DDX3X: variants seen among roughly 807,000 people sequenced by gnomAD.
DDX3X encodes the protein ATP-dependent RNA helicase DDX3X.
A neutral mutation model predicts 52.7 loss-of-function variants in DDX3X; 4 were observed. That is an observed-to-expected ratio of 0.08 (90% CI 0.04 to 0.17). The LOEUF is 0.17. DDX3X is among the 10% of genes least tolerant of loss of function. The pLI is 1.00. For missense variants in DDX3X, 222 were observed against 548.6 expected, an observed-to-expected ratio of 0.40 and a Z score of 5.95; for synonymous variants, 192 against 178.1, an observed-to-expected ratio of 1.08 and a Z score of -0.62.
rs372583916 is a variant in DDX3X, at chrX:41,347,970, C to G, written c.*251C>G. On this transcript the variant is annotated 3_prime_UTR_variant, in exon 17 of 17. Coordinates refer to ENST00000644876, the MANE Select transcript of DDX3X (RefSeq NM_001356.5). ...GGATTAACTCCCCTCCCGCCTACCC[C>G]CATCCCAAACTGCATTTATAATTTT... 45 of 341,695 alleles carry G rather than the reference C, an allele frequency of 1.3e-4. No individual in the cohort carries two copies. The highest frequency in any genetic ancestry group is 1.1e-3 in the East Asian group (23 of 21,780). 28.2% of individuals were successfully genotyped at this position (341,695 alleles called of 1,213,427 possible). A position where few individuals can be genotyped will look rare whatever the true frequency, so the allele number is the denominator to read the frequency against.
chrX:41,347,072 T>G, intron 15 of DDX3X, 60 bp downstream of exon 15: 3 of 1,082,901 alleles, frequency 2.8e-6, no homozygotes, highest in Non-Finnish European at 2.5e-6. Flanking sequence ...TCATAGTGTT[T>G]CCTCTGCATG....
chrX:41,341,735 C>G, intron 4 of DDX3X, 119 bp downstream of exon 4: 1 of 680,062 alleles, frequency 1.5e-6, no homozygotes, highest in Non-Finnish European at 2.1e-6. Flanking sequence ...TTTTCTTAGC[C>G]GTAAGAGGCT....
At chrX:41,359,736 G>T (rs926101794) in intron 5 of DDX3X, among the ~76,000 whole-genome samples, 4 of 110,652 alleles carry the variant, frequency 3.6e-5, no homozygotes, top group African/African-American at 1.3e-4. Flanking sequence ...ACTTTGGGAG[G>T]CCGAGGCAGG....
At position 41,339,081 on chromosome X, in the gene DDX3X, A is replaced by G; in HGVS notation, c.149A>G (p.Lys50Arg). ...CATTTAAGGAACCGAGAAGCTACTA[A>G]AGGTAGGTCCTCACAAGTAACTTCG... The part of the protein sequence containing the change: ...PPHLRNREAT[K>R]GFYDKDSSGW... Residue 50 changes from lysine (K) to arginine (R), a missense_variant and splice_region_variant, in exon 3 of 17, where the codon AAA becomes AGA. Physicochemically the swap from Lys to Arg is conservative, Grantham distance 26. Coordinates refer to ENST00000644876, the MANE Select transcript of DDX3X (RefSeq NM_001356.5). 9.2e-7 allele frequency: 1 copy of G among 1,088,596 alleles called. No individual in the cohort carries two copies. The highest frequency in any genetic ancestry group is 1.2e-6 in the Non-Finnish European group (1 of 822,573). The allele number at this position is 1,088,596 out of a possible 1,213,427, so 89.7% of individuals were successfully genotyped here.
At chrX:41,359,804 C>CAA (rs199523291) in intron 5 of DDX3X, among the ~76,000 whole-genome samples, 2 of 103,879 alleles carry the variant, frequency 1.9e-5, no homozygotes, top group South Asian at 4.3e-4. Context: ...ACTAAAAATA[C>CAA]AAAAAAAAAT....
intron 12 of DDX3X, 124 bp downstream of exon 12, chrX:41,345,672 T>C: frequency 1.6e-6 from 1 of 634,753 alleles, no homozygotes; most frequent in Non-Finnish European, 2.4e-6. Flanking sequence ...TTTGACCTGC[T>C]CTGTTTCTGA....
chrX:41,334,044 C>G (rs1305666202), upstream of DDX3X: 19 of 427,703 alleles, frequency 4.4e-5, no homozygotes, highest in Non-Finnish European at 7.0e-5. Context: ...GCGCAGTAGC[C>G]GGGCAGAAGT....
intron 6 of DDX3X, 148 bp from the exon 7 acceptor site, chrX:41,343,068 G>A (rs2063872475): frequency 1.4e-6 from 1 of 693,246 alleles, no homozygotes; most frequent in African/African-American, 2.2e-5. Flanking sequence ...TAAGCCTGGG[G>A]GTTGGTTTTT....
chrX:41,333,691 A>G (rs1315979410), upstream of DDX3X: 3 of 110,566 alleles, frequency 2.7e-5, no homozygotes, highest in African/African-American at 1.0e-4. Context: ...GAGAGGAAGA[A>G]GAGTGAAGGC....
intron 1 of DDX3X, chrX:41,336,756 AAAC>A (rs2063776534): frequency 8.9e-6 from 1 of 112,023 alleles, no homozygotes; most frequent in Non-Finnish European, 1.9e-5. Flanking sequence ...ATAAAAATAA[AAAC>A]AAACGAAACA....
intron 1 of DDX3X, chrX:41,335,693 C>G (rs1266287658): frequency 1.8e-5 from 2 of 112,113 alleles, no homozygotes; most frequent in Non-Finnish European, 3.8e-5. Flanking sequence ...TTAATGTAGT[C>G]ATATGTAATA....
At chrX:41,346,099 T>G (rs1439211878) in intron 12 of DDX3X, 130 bp from the exon 13 acceptor site, 1 of 522,276 alleles carries the variant, frequency 1.9e-6, no homozygotes, top group East Asian at 3.7e-5. Context: ...ATTCAAAACA[T>G]GCTGTGTTGA....
downstream of DDX3X, among the ~76,000 whole-genome samples, chrX:41,352,143 C>T (rs766338163): frequency 9.0e-6 from 1 of 111,543 alleles, no homozygotes; most frequent in Non-Finnish European, 1.9e-5. Context: ...AAATGAGATA[C>T]TATCTCCTCT....
chrX:41,353,431 G>A (rs912739311), downstream of DDX3X, among the ~76,000 whole-genome samples: 2 of 108,491 alleles, frequency 1.8e-5, no homozygotes, highest in Admixed American at 2.0e-4. Context: ...TTGTGCCACT[G>A]CACTCCAGCC....
At chrX:41,334,419 C>T (rs2063724778) in intron 1 of DDX3X, 122 bp downstream of exon 1, 1 of 1,129,165 alleles carries the variant, frequency 8.9e-7, no homozygotes, top group Admixed American at 2.7e-5. Flanking sequence ...CCCGGGCTGG[C>T]GGGTGTGAGT....
intron 2 of DDX3X, 140 bp from the exon 3 acceptor site, chrX:41,338,896 C>T (rs2063808287): frequency 9.4e-6 from 2 of 212,438 alleles, no homozygotes; most frequent in Non-Finnish European, 1.7e-5. Flanking sequence ...TTATTTTTCC[C>T]CCCTCTCAGT....
intron 4 of DDX3X, 68 bp downstream of exon 4, chrX:41,341,684 C>T (rs1168804939): frequency 1.9e-6 from 2 of 1,026,486 alleles, no homozygotes; most frequent in Admixed American, 4.8e-5. Context: ...ATCCTGACCA[C>T]CTGTTTGGAT....
chrX:41,335,959 C>G (rs1165918533), intron 1 of DDX3X: 1 of 112,251 alleles, frequency 8.9e-6, no homozygotes, highest in Non-Finnish European at 1.9e-5. Context: ...TGTGTTCCTA[C>G]CGTGCTTTAA....
intron 7 of DDX3X, 50 bp from the exon 8 acceptor site, chrX:41,343,687 A>T (rs777192916): frequency 9.4e-7 from 1 of 1,058,268 alleles, no homozygotes; most frequent in South Asian, 1.9e-5. Context: ...TCATCTACCA[A>T]TGTCTGTTTA....
Sources: allele counts gnomAD v4.1 joint callset (sites outside exome capture counted in the v4.1 genomes callset), GRCh38; gene constraint gnomAD v4.1.1; transcripts MANE v1.5; gene names NCBI Gene and HGNC (gene_info 2026-07-23, HGNC 2026-07-21).